WNT9B: variants seen among roughly 807,000 people sequenced by gnomAD.
The protein encoded by WNT9B is protein Wnt-9b.
A neutral mutation model predicts 30.2 loss-of-function variants in WNT9B; 12 were observed. The observed-to-expected ratio is 0.40, with a 90% CI of 0.26 to 0.64. The LOEUF (loss-of-function observed/expected upper bound fraction) is 0.64. Among genes scored for constraint, WNT9B ranks in the 30% least tolerant of loss-of-function variants. The pLI is 0.42. For missense variants in WNT9B, 442 were observed against 485.2 expected (o/e 0.91, Z 0.84); for synonymous variants, 218 against 216.9 (o/e 1.01, Z -0.05).
chr17:46,880,858 C>T (rs2085413487), downstream of WNT9B, among the ~76,000 whole-genome samples: 1 of 152,198 alleles, frequency 6.6e-6, no homozygotes, highest in Non-Finnish European at 1.5e-5. Context: ...CCAGAGCCTG[C>T]ATCCTTCCTG....
At chr17:46,838,858 G>T (rs2084665074) in intron 1 of WNT9B, among the ~76,000 whole-genome samples, 1 of 152,006 alleles carries the variant, frequency 6.6e-6, no homozygotes, top group African/African-American at 2.4e-5. Flanking sequence ...GTTTCCAGGG[G>T]CTTGTTTTCT....
In WNT9B at chr17:46,851,769, C is replaced by A; in HGVS notation, c.77+54C>A. 1 of 966,874 alleles carries A rather than the reference C, an allele frequency of 1.0e-6. No homozygotes were observed. The highest frequency in any genetic ancestry group is 1.4e-6 in the Non-Finnish European group (1 of 738,500). The allele number at this position is 966,874 out of a possible 1,614,324, so 59.9% of individuals were successfully genotyped here. ...TCCCCGGCCTGCCTGTCTCTCCCTC[C>A]TGCGCTACAGCTGGGCCAATTTTTC... On this transcript the variant is annotated intron_variant, in intron 1 of 3. Coordinates refer to ENST00000290015, the MANE Select transcript of WNT9B (RefSeq NM_003396.3). The surrounding 1 kb of genome is among the most constrained non-coding windows in gnomAD (Gnocchi z 4.3).
Position 46,839,522 on chromosome 17 carries a change from T to TTA in WNT9B, c.95+6096_95+6097dup, listed in dbSNP as rs757322716. 2.0e-3 allele frequency among the ~76,000 whole-genome samples: 296 copies of TTA among 151,596 alleles called. 1 individual carries two copies. The highest frequency in any genetic ancestry group is 5.3e-3 in the African/African-American group (220 of 41,400). The stretch of plus-strand genomic sequence containing the variant: ...CTGCCATGCACAGGCTGTAAATTCT[T>TTA]TATATATATATATATGTTTTTTTAT... On this transcript the variant is annotated intron_variant, in intron 1 of 2. Coordinates refer to the WNT9B transcript ENST00000575372.
intron 1 of WNT9B, among the ~76,000 whole-genome samples, chr17:46,837,532 C>T (rs555735581): frequency 5.9e-5 from 9 of 152,162 alleles, no homozygotes; most frequent in African/African-American, 1.9e-4. Context: ...CTGCCACCCT[C>T]GTTTTACAAA....
chr17:46,875,094 G>C lies in WNT9B; in HGVS notation c.335-7G>C, dbSNP rs762778303. 3.0e-5 allele frequency: 48 copies of C among 1,613,386 alleles called. No individual in the cohort carries two copies. Among genetic ancestry groups the C allele is most frequent in the Non-Finnish European group, 4.1e-5 (48 of 1,180,016 alleles). ...TCCCTCCCTATGCCCCTGGGTGCCC[G>C]ATCCAGGCTTCAAAGAGACAGCTTT... On this transcript the variant is annotated splice_region_variant and splice_polypyrimidine_tract_variant and intron_variant, in intron 2 of 3. Coordinates refer to ENST00000290015, the MANE Select transcript of WNT9B (RefSeq NM_003396.3).
chr17:46,839,469 C>T (rs2084673502), intron 1 of WNT9B, among the ~76,000 whole-genome samples: 1 of 152,206 alleles, frequency 6.6e-6, no homozygotes, highest in African/African-American at 2.4e-5. Context: ...ATGGCTGTGG[C>T]ACAACGCAGG....
rs1811468916 is a variant in WNT9B at position 46,878,227 on chromosome 17, C to T, written c.*1509C>T. 6.6e-6 allele frequency among the ~76,000 whole-genome samples: 1 copy of T among 152,258 alleles called. No individual in the cohort carries two copies. The highest frequency in any genetic ancestry group is 6.5e-5 in the Admixed American group (1 of 15,292). ...GGCCACTTTGCTGGCCCTGCCACGC[C>T]CATCTGTCAGCTTCCTTTCTCCCTA... On this transcript the variant is annotated 3_prime_UTR_variant, in exon 4 of 4. Coordinates refer to ENST00000290015, the MANE Select transcript of WNT9B (RefSeq NM_003396.3).
downstream of WNT9B, among the ~76,000 whole-genome samples, chr17:46,882,900 C>T (rs1431467952): frequency 6.6e-6 from 1 of 152,128 alleles, no homozygotes; most frequent in Non-Finnish European, 1.5e-5. Flanking sequence ...TGTGCAGGCT[C>T]CACCCCACAC....
chr17:46,855,231 A>C (rs1396710720), intron 1 of WNT9B, among the ~76,000 whole-genome samples: 2 of 152,218 alleles, frequency 1.3e-5, no homozygotes, highest in Non-Finnish European at 2.9e-5. Flanking sequence ...GAAGGGGGTG[A>C]GGGTGGAGGG....
chr17:46,876,576 G>A lies in WNT9B; in HGVS notation c.932G>A (p.Cys311Tyr), dbSNP rs1383675976. The change falls in exon 4 of 4, where the codon TGC (cysteine) becomes TAC (tyrosine). Residue 311 changes from cysteine to tyrosine, a missense_variant. Cys to Tyr is a radical substitution (Grantham distance 194). Transcript: ENST00000290015. Reference sequence around the variant, plus strand: ...AGGGTGTGCTCCCGGGAGGCCAGCTGCAGCAGCCTGTGCTGCGGGCGGGGC... The same window carrying A: ...AGGGTGTGCTCCCGGGAGGCCAGCTACAGCAGCCTGTGCTGCGGGCGGGGC... Reference protein sequence around the residue: ...AGRVCSREASCSSLCCGRGYD... With the variant: ...AGRVCSREASYSSLCCGRGYD... 1 of 1,613,514 alleles carries A rather than the reference G, an allele frequency of 6.2e-7. No individual in the cohort carries two copies. The highest frequency in any genetic ancestry group is 8.5e-7 in the Non-Finnish European group (1 of 1,180,020).
intron 1 of WNT9B, among the ~76,000 whole-genome samples, chr17:46,835,491 A>G (rs1416675403): frequency 3.3e-5 from 5 of 152,188 alleles, no homozygotes; most frequent in Admixed American, 1.3e-4. Context: ...GATTACAGGC[A>G]TGAGCCACCA....
At chr17:46,848,181 A>G (rs1378287756), upstream of WNT9B, among the ~76,000 whole-genome samples, 1 of 152,050 alleles carries the variant, frequency 6.6e-6, no homozygotes, top group African/African-American at 2.4e-5. Flanking sequence ...CCCATGGGGG[A>G]ACAGTGGGGG....
At chr17:46,874,558 C>CATTT (rs953247448) in intron 2 of WNT9B, among the ~76,000 whole-genome samples, 2 of 152,056 alleles carry the variant, frequency 1.3e-5, no homozygotes, top group Non-Finnish European at 2.9e-5. Context: ...TTGTAAATTC[C>CATTT]ATTTATTTAT....
chr17:46,855,698 C>CTATT (rs1361201281), intron 1 of WNT9B, among the ~76,000 whole-genome samples: 3 of 152,276 alleles, frequency 2.0e-5, no homozygotes, highest in East Asian at 1.9e-4. Flanking sequence ...CCAATCCAGT[C>CTATT]TATTTATTTA....
At chr17:46,847,849 G>T (rs530336790), upstream of WNT9B, among the ~76,000 whole-genome samples, 39 of 152,328 alleles carry the variant, frequency 2.6e-4, no homozygotes, top group African/African-American at 8.7e-4. Flanking sequence ...TTCAGGCAGG[G>T]TGGGCTGGCC....
intron 1 of WNT9B, among the ~76,000 whole-genome samples, chr17:46,855,489 G>A (rs1455241246): frequency 1.3e-5 from 2 of 152,118 alleles, no homozygotes; most frequent in Non-Finnish European, 2.9e-5. Context: ...TCATCTCCAA[G>A]GTCAGTAGCA....
intron 1 of WNT9B, among the ~76,000 whole-genome samples, chr17:46,840,015 C>CTTTTTTCT (rs767579060): frequency 1.2e-5 from 1 of 86,406 alleles, no homozygotes; most frequent in Non-Finnish European, 2.2e-5. Flanking sequence ...TTCTTTCTTT[C>CTTTTTTCT]TTTCTTTCTT....
In WNT9B at chr17:46,878,171, A is replaced by C. The variant is rs2146616206; in HGVS notation, c.*1453A>C. On this transcript the variant is annotated 3_prime_UTR_variant, in exon 4 of 4. Coordinates refer to ENST00000290015, the MANE Select transcript of WNT9B (RefSeq NM_003396.3). ...CCCAGAGTGGGGCCCGATGCCACCC[A>C]GGAGGAAGTGACTTCTTTCGGGAAG... Among the ~76,000 whole-genome samples the C allele has an allele frequency of 6.6e-6, 1 of 152,352 alleles. No individual in the cohort carries two copies.
At chr17:46,867,785 G>A (rs2085164737) in intron 1 of WNT9B, among the ~76,000 whole-genome samples, 1 of 152,148 alleles carries the variant, frequency 6.6e-6, no homozygotes. Flanking sequence ...TGTGTGAGAT[G>A]AAGCCCTGAG....
Sources: gnomAD v4.1 joint callset for allele counts (sites outside exome capture counted in the v4.1 genomes callset) on GRCh38, gnomAD v4.1.1 for gene constraint, Gnocchi (gnomAD v3.1) non-coding constraint, MANE v1.5 for transcripts, NCBI Gene and HGNC (gene_info 2026-07-23, HGNC 2026-07-21) for gene names.